The following CAPS2 variants were observed in gnomAD, a reference collection of about 807,000 sequenced individuals.
CAPS2 encodes the protein calcyphosin-2.
A neutral mutation model predicts 86.5 loss-of-function variants in CAPS2; 98 were observed. The ratio of observed to expected loss-of-function variants is 1.13; its 90% confidence interval spans 0.96 to 1.34. The LOEUF (loss-of-function observed/expected upper bound fraction) is 1.34. Ranked by LOEUF, CAPS2 falls within the 40% of genes most tolerant of loss-of-function variation. CAPS2 has a pLI of 0.00. For missense variants in CAPS2, 729 were observed against 686.8 expected, an observed-to-expected ratio of 1.06 and a Z score of -0.69; for synonymous variants, 210 against 225.1, an observed-to-expected ratio of 0.93 and a Z score of 0.60.
intron 7 of CAPS2, among the ~76,000 whole-genome samples, chr12:75,311,761 G>A (rs12581416): frequency 0.39 from 50,754 of 130,406 alleles, 9,940 homozygotes; most frequent in East Asian, 0.52. Context: ...AAGAAAATAA[G>A]GTTTCAAATG....
At chr12:75,338,112 G>A (rs1257091752) in intron 1 of CAPS2, among the ~76,000 whole-genome samples, 1 of 152,096 alleles carries the variant, frequency 6.6e-6, no homozygotes, top group African/African-American at 2.4e-5. Context: ...GGAACTTTAT[G>A]AGTCAACTTT....
chr12:75,347,161 C>T (rs889802272), intron 1 of CAPS2, among the ~76,000 whole-genome samples: 1 of 151,702 alleles, frequency 6.6e-6, no homozygotes, highest in Non-Finnish European at 1.5e-5. Context: ...TGTCTTGTGA[C>T]TTGACAAAGG....
upstream of CAPS2, among the ~76,000 whole-genome samples, chr12:75,330,533 C>T (rs940021008): frequency 1.3e-5 from 2 of 152,202 alleles, no homozygotes; most frequent in African/African-American, 4.8e-5. Context: ...GAAATTTAAG[C>T]ATATGCTACA....
At chr12:75,329,644 A>T (rs1007557402), upstream of CAPS2, among the ~76,000 whole-genome samples, 1 of 152,200 alleles carries the variant, frequency 6.6e-6, no homozygotes, top group African/African-American at 2.4e-5. Context: ...AAAGAAAGAG[A>T]TGTAAATACA....
At chr12:75,362,298 G>A (rs1345121181) in intron 1 of CAPS2, among the ~76,000 whole-genome samples, 1 of 151,928 alleles carries the variant, frequency 6.6e-6, no homozygotes, top group African/African-American at 2.4e-5. Context: ...ACAAATTAAG[G>A]TCACAATAAA....
At chr12:75,380,163 C>T (rs1432539045) in intron 1 of CAPS2, among the ~76,000 whole-genome samples, 2 of 152,024 alleles carry the variant, frequency 1.3e-5, no homozygotes, top group Non-Finnish European at 2.9e-5. Flanking sequence ...AAAAGAAACA[C>T]TTCTGACGGT....
chr12:75,336,238 T>C (rs2041730126), intron 1 of CAPS2, among the ~76,000 whole-genome samples: 1 of 151,810 alleles, frequency 6.6e-6, no homozygotes, highest in African/African-American at 2.4e-5. Context: ...ATCCAGTAAG[T>C]AGAATACTAA....
chr12:75,363,939 G>A (rs1010206506), intron 1 of CAPS2, among the ~76,000 whole-genome samples: 1 of 152,176 alleles, frequency 6.6e-6, no homozygotes, highest in Non-Finnish European at 1.5e-5. Context: ...AAAAGTCAAA[G>A]GCAGATTCAA....
upstream of CAPS2, chr12:75,329,742 G>A (rs1015055708): frequency 2.7e-6 from 3 of 1,114,292 alleles, no homozygotes; most frequent in African/African-American, 1.6e-5. Flanking sequence ...TTGAAACTTA[G>A]GTCATTCCTA....
At chr12:75,365,429 T>G (rs528306069) in intron 1 of CAPS2, among the ~76,000 whole-genome samples, 1 of 152,294 alleles carries the variant, frequency 6.6e-6, no homozygotes, top group Admixed American at 6.5e-5. Flanking sequence ...CCTGATACTC[T>G]TTAGAGGATT....
chr12:75,370,258 C>A, intron 1 of CAPS2: 1 of 749,354 alleles, frequency 1.3e-6, no homozygotes, highest in Non-Finnish European at 2.3e-6. Context: ...CATCACTTTG[C>A]TTCTTTACTG....
At chr12:75,351,622 C>T (rs1177397340) in intron 1 of CAPS2, among the ~76,000 whole-genome samples, 1 of 151,320 alleles carries the variant, frequency 6.6e-6, no homozygotes, top group African/African-American at 2.4e-5. Context: ...TCTTGACTTA[C>T]TACCACCTCC....
chr12:75,303,539 T>C (rs1211245372), intron 8 of CAPS2, among the ~76,000 whole-genome samples: 4 of 152,188 alleles, frequency 2.6e-5, no homozygotes, highest in African/African-American at 9.7e-5. Flanking sequence ...ATGAGTGTTG[T>C]TCTGTTTTTG....
intron 1 of CAPS2, among the ~76,000 whole-genome samples, chr12:75,373,267 G>A (rs1274052057): frequency 6.6e-6 from 1 of 152,148 alleles, no homozygotes; most frequent in East Asian, 1.9e-4. Context: ...TGGGGAAGAA[G>A]GTTGAGTGGT....
chr12:75,297,971 T>C (rs2037176661), intron 11 of CAPS2, among the ~76,000 whole-genome samples: 1 of 152,210 alleles, frequency 6.6e-6, no homozygotes, highest in African/African-American at 2.4e-5. Flanking sequence ...GCCCCTCCTA[T>C]CTGGCCCTCT....
At chr12:75,369,422 A>C in intron 1 of CAPS2, 1 of 627,930 alleles carries the variant, frequency 1.6e-6, no homozygotes, top group Non-Finnish European at 2.0e-6. Context: ...AGCTAGAATC[A>C]TGCTGAATAC....
chr12:75,298,975 A>T lies in CAPS2; in HGVS notation c.855-9T>A, dbSNP rs7296952. 0.29 allele frequency: 446,900 copies of T among 1,534,540 alleles called. 67,890 individuals carry two copies. The highest frequency in any genetic ancestry group is 0.44 in the African/African-American group (31,749 of 71,890). ...AAGCATCACGTCCATTACTGGAAAA[A>T]TAGAATGAAATCAAACATCTTCAAA... On this transcript the variant is annotated splice_polypyrimidine_tract_variant and intron_variant, in intron 9 of 16. Transcript: ENST00000393284.
At chr12:75,363,059 A>G (rs1346787573) in intron 1 of CAPS2, 2 of 1,042,404 alleles carry the variant, frequency 1.9e-6, no homozygotes, top group Non-Finnish European at 2.8e-6. Context: ...AAATTGGAGA[A>G]ATTAACAGCC....
chr12:75,354,654 A>C (rs773250604), intron 1 of CAPS2, among the ~76,000 whole-genome samples: 2 of 152,204 alleles, frequency 1.3e-5, no homozygotes, highest in African/African-American at 2.4e-5. Context: ...GGAACCAAAA[A>C]AGGGTTTGTG....
Sources: gnomAD v4.1 joint callset for allele counts (sites outside exome capture counted in the v4.1 genomes callset) on GRCh38, gnomAD v4.1.1 for gene constraint, MANE v1.5 for transcripts, NCBI Gene and HGNC (gene_info 2026-07-23, HGNC 2026-07-21) for gene names.